Variants in BCKDHB observed in about 807,000 individuals in gnomAD.
BCKDHB encodes 2-oxoisovalerate dehydrogenase subunit beta, mitochondrial.
A neutral mutation model predicts 48.5 loss-of-function variants in BCKDHB; 41 were observed. That is an observed-to-expected ratio of 0.85 (90% CI 0.66 to 1.10). The LOEUF is 1.10. Ranked by LOEUF, BCKDHB falls within the 50% of genes least tolerant of loss-of-function variation. The pLI is 0.00. For synonymous variants in BCKDHB, 201 were observed against 174.8 expected (o/e 1.15, Z -1.18); for missense variants, 496 against 494.2 (o/e 1.00, Z -0.03).
At chr6:80,381,433 T>A in the BCKDHB span, among the ~76,000 whole-genome samples, 2 of 152,110 alleles carry the variant, frequency 1.3e-5, no homozygotes, top group African/African-American at 4.8e-5. Flanking sequence ...GAAGAAAATT[T>A]TACACCTTGC....
chr6:80,314,273 T>C (rs1029993260), intron 9 of BCKDHB, among the ~76,000 whole-genome samples: 2 of 152,224 alleles, frequency 1.3e-5, no homozygotes, highest in Non-Finnish European at 2.9e-5. Context: ...TCAGGTCTGC[T>C]TGAGCTGTCA....
At chr6:80,139,636 G>T (rs924471943) in intron 3 of BCKDHB, among the ~76,000 whole-genome samples, 2 of 151,964 alleles carry the variant, frequency 1.3e-5, no homozygotes, top group Non-Finnish European at 2.9e-5. Flanking sequence ...TTATTTCTGA[G>T]GGCTCTGTTC....
At chr6:80,144,890 T>A (rs994900337) in intron 3 of BCKDHB, among the ~76,000 whole-genome samples, 1 of 152,138 alleles carries the variant, frequency 6.6e-6, no homozygotes, top group Non-Finnish European at 1.5e-5. Context: ...ACTGTTTAAA[T>A]TGTCTTGTAG....
chr6:80,170,703 AG>A (rs1025930807), intron 5 of BCKDHB, among the ~76,000 whole-genome samples: 1 of 152,130 alleles, frequency 6.6e-6, no homozygotes, highest in African/African-American at 2.4e-5. Context: ...AAGGTCCTGG[AG>A]CCCTTTCCTG....
In BCKDHB at chr6:80,281,050, A is replaced by G. The variant is rs201597981; in HGVS notation, c.1038+7829A>G. Among the ~76,000 whole-genome samples, 568 of 112,356 alleles carry G rather than the reference A, an allele frequency of 5.1e-3. 1 individual carries two copies. The highest frequency in any genetic ancestry group is 0.023 in the Middle Eastern group (5 of 222). 73.7% of individuals were successfully genotyped at this position (112,356 alleles called of 152,430 possible). On this transcript the variant is annotated intron_variant, in intron 9 of 9. Transcript: ENST00000320393. Reference sequence around the variant, plus strand: ...TGCGTGTGTGTGTGTGTGTGTGTGTATAAGGTAATGAGTACATTTTAGATT... The same window carrying G: ...TGCGTGTGTGTGTGTGTGTGTGTGTGTAAGGTAATGAGTACATTTTAGATT...
At chr6:80,456,884 G>A in the BCKDHB span, among the ~76,000 whole-genome samples, 2 of 152,196 alleles carry the variant, frequency 1.3e-5, no homozygotes, top group Non-Finnish European at 2.9e-5. Flanking sequence ...TACATCTTCC[G>A]TCTTGATCCT....
chr6:80,216,820 C>T (rs181528926), intron 8 of BCKDHB, among the ~76,000 whole-genome samples: 5 of 152,110 alleles, frequency 3.3e-5, no homozygotes, highest in Admixed American at 6.6e-5. Context: ...ATTCTGTAAT[C>T]GTTAAGAATT....
chr6:80,408,734 G>A, the BCKDHB span, among the ~76,000 whole-genome samples: 1 of 150,426 alleles, frequency 6.6e-6, no homozygotes, highest in East Asian at 1.9e-4. Context: ...GCATCTATTT[G>A]AGTCTTCTCT....
chr6:80,189,805 A>G (rs556949374), intron 6 of BCKDHB, among the ~76,000 whole-genome samples: 1 of 152,258 alleles, frequency 6.6e-6, no homozygotes, highest in South Asian at 2.1e-4. Context: ...TCAGTAATAT[A>G]TATTTTAGAA....
chr6:80,158,262 A>G (rs1237090320), intron 3 of BCKDHB, among the ~76,000 whole-genome samples: 1 of 152,208 alleles, frequency 6.6e-6, no homozygotes, highest in Non-Finnish European at 1.5e-5. Context: ...GTAAGCATTT[A>G]CTAAGCACAT....
At chr6:80,244,419 T>C (rs530780112) in intron 8 of BCKDHB, among the ~76,000 whole-genome samples, 2 of 152,330 alleles carry the variant, frequency 1.3e-5, no homozygotes, top group Admixed American at 6.5e-5. Context: ...CTAAAAGAGG[T>C]TGCTCATAAA....
the BCKDHB span, among the ~76,000 whole-genome samples, chr6:80,430,998 C>G: frequency 1.3e-5 from 2 of 152,064 alleles, no homozygotes; most frequent in Non-Finnish European, 2.9e-5. Flanking sequence ...TAAATGTGGC[C>G]CAGAGATTCT....
At chr6:80,208,539 A>C (rs1774774753) in intron 8 of BCKDHB, among the ~76,000 whole-genome samples, 1 of 151,812 alleles carries the variant, frequency 6.6e-6, no homozygotes. Flanking sequence ...GAAGAGATTA[A>C]TGTAATTGAT....
downstream of BCKDHB, among the ~76,000 whole-genome samples, chr6:80,349,051 G>T (rs1770320481): frequency 6.6e-6 from 1 of 152,176 alleles, no homozygotes; most frequent in South Asian, 2.1e-4. Context: ...TATGTGAAGT[G>T]ATGGCTCCAT....
chr6:80,430,817 C>T, the BCKDHB span, among the ~76,000 whole-genome samples: 2 of 152,014 alleles, frequency 1.3e-5, no homozygotes, highest in Non-Finnish European at 2.9e-5. Context: ...GTCTCTATCT[C>T]CTTCAATTCT....
At chr6:80,333,470 A>AC (rs1438314544) in intron 9 of BCKDHB, among the ~76,000 whole-genome samples, 9 of 152,170 alleles carry the variant, frequency 5.9e-5, no homozygotes, top group Non-Finnish European at 2.9e-5. Context: ...CTTTTTTAAA[A>AC]CAGGCATATG....
intron 6 of BCKDHB, among the ~76,000 whole-genome samples, chr6:80,191,772 G>A (rs1186325491): frequency 6.6e-6 from 1 of 152,150 alleles, no homozygotes; most frequent in African/African-American, 2.4e-5. Flanking sequence ...AAATGGTTGT[G>A]GTGAGGTAGA....
Position 80,164,146 on chromosome 6 carries a change from G to A in BCKDHB, c.344-3532G>A, listed in dbSNP as rs140164588. Among the ~76,000 whole-genome samples, 472 of 152,126 alleles carry A rather than the reference G, an allele frequency of 3.1e-3. 3 individuals are homozygous for A. The highest frequency in any genetic ancestry group is 5.7e-3 in the Non-Finnish European group (388 of 67,988). ...TTCTCACTCACCTGCTCTCTGACTC[G>A]CTCTCACAGTAAAAGAGGGTTTACA... On this transcript the variant is annotated intron_variant, in intron 3 of 9. Coordinates refer to ENST00000320393, the MANE Select transcript of BCKDHB (RefSeq NM_183050.4).
At chr6:80,205,829 TGTGTGTAG>T (rs1265161529) in intron 8 of BCKDHB, among the ~76,000 whole-genome samples, 247 of 146,298 alleles carry the variant, frequency 1.7e-3, no homozygotes, top group Middle Eastern at 3.5e-3. Context: ...TGTGTGTGTG[TGTGTGTAG>T]GTGGATTGGC....
Sources: gnomAD v4.1 joint callset for allele counts (sites outside exome capture counted in the v4.1 genomes callset) on GRCh38, gnomAD v4.1.1 for gene constraint, MANE v1.5 for transcripts, NCBI Gene and HGNC (gene_info 2026-07-23, HGNC 2026-07-21) for gene names.